Variants in DHCR24 observed in about 807,000 individuals in gnomAD.
DHCR24 encodes delta(24)-sterol reductase.
A neutral mutation model predicts 61.2 loss-of-function variants in DHCR24; 28 were observed. The observed-to-expected ratio is 0.46, with a 90% CI of 0.34 to 0.63. DHCR24 has a LOEUF of 0.63. DHCR24 is among the 20% of genes least tolerant of loss of function. The pLI is 0.01. For synonymous variants in DHCR24, 261 were observed against 275.9 expected (o/e 0.95, Z 0.54); for missense variants, 538 against 679.1 (o/e 0.79, Z 2.31).
rs1299921958 is a variant in DHCR24 at position 54,851,083 on chromosome 1, C to T, written c.*1150G>A. The T allele has an allele frequency of 6.6e-6, 1 of 152,612 alleles. No individual in the cohort carries two copies. Among genetic ancestry groups the T allele is most frequent in the Non-Finnish European group, 1.5e-5 (1 of 68,036 alleles). 9.5% of individuals were successfully genotyped at this position (152,612 alleles called of 1,614,324 possible). A position where few individuals can be genotyped will look rare whatever the true frequency, so the allele number is the denominator to read the frequency against. On this transcript the variant is annotated 3_prime_UTR_variant, in exon 9 of 9. Transcript: ENST00000371269. The stretch of plus-strand genomic sequence containing the variant: ...CCAGGGAAGGACCTAGGGAGGTTCC[C>T]TTCCCTCTGGAACGGAAATGGAACT...
rs1257502531 is a variant in DHCR24, at chr1:54,851,729, A to T, written c.*504T>A. 1 of 159,710 alleles carries T rather than the reference A, an allele frequency of 6.3e-6. No individual in the cohort carries two copies. The highest frequency in any genetic ancestry group is 1.4e-5 in the Non-Finnish European group (1 of 72,156). 9.9% of individuals were successfully genotyped at this position (159,710 alleles called of 1,614,324 possible). A position where few individuals can be genotyped will look rare whatever the true frequency, so the allele number is the denominator to read the frequency against. ...TGTGAGGACCTCGTCTGGCTGATGGAGGCGATGGCAGGGCAACTCCAGCGT... is the reference window on the plus strand; with the variant it reads ...TGTGAGGACCTCGTCTGGCTGATGGTGGCGATGGCAGGGCAACTCCAGCGT... On this transcript the variant is annotated 3_prime_UTR_variant, in exon 9 of 9. Coordinates refer to ENST00000371269, the MANE Select transcript of DHCR24 (RefSeq NM_014762.4).
Position 54,877,749 on chromosome 1 carries a change from G to A in DHCR24, c.388-1702C>T, listed in dbSNP as rs146329225. Among the ~76,000 whole-genome samples the A allele has an allele frequency of 4.6e-3, 701 of 152,178 alleles. 11 individuals carry two copies. Among genetic ancestry groups the A allele is most frequent in the African/African-American group, 0.016 (662 of 41,504 alleles). On this transcript the variant is annotated intron_variant, in intron 2 of 8. Transcript: ENST00000371269. ...GGTGAGGCTGGGCATGGTGGCTCAC[G>A]CCTGTAATCTCAGCACTTTGGGAGA... is the stretch of plus-strand genomic sequence containing the variant.
chr1:54,865,174 G>C (rs557192271), intron 6 of DHCR24, 129 bp downstream of exon 6: 742 of 1,115,900 alleles, frequency 6.6e-4, no homozygotes, highest in Admixed American at 9.7e-4. Context: ...GCTTAAGAAG[G>C]CATTGCAGTT....
intron 5 of DHCR24, among the ~76,000 whole-genome samples, chr1:54,870,332 T>A (rs2101569227): frequency 6.6e-6 from 1 of 152,318 alleles, no homozygotes; most frequent in South Asian, 2.1e-4. Flanking sequence ...GCACTTTAAC[T>A]TTTTCTTTAT....
chr1:54,875,659 T>C (rs1647024505), intron 3 of DHCR24, among the ~76,000 whole-genome samples: 1 of 152,110 alleles, frequency 6.6e-6, no homozygotes, highest in Non-Finnish European at 1.5e-5. Flanking sequence ...ACTATACTTA[T>C]TCTGTGTGTT....
rs199690328 is a variant in DHCR24, at chr1:54,852,436, G to A, written c.1398-50C>T. On this transcript the variant is annotated intron_variant, in intron 8 of 8. Coordinates refer to ENST00000371269, the MANE Select transcript of DHCR24 (RefSeq NM_014762.4). Reference sequence around the variant, plus strand: ...GGACGCCAGGAGGCACACGGAACGCGAGGCGTGAGAGAAACCCAACTGCTC... The same window carrying A: ...GGACGCCAGGAGGCACACGGAACGCAAGGCGTGAGAGAAACCCAACTGCTC... The A allele has an allele frequency of 1.9e-5, 31 of 1,605,896 alleles. No individual in the cohort carries two copies. The Admixed American group carries it at 2.8e-4, about 15-fold the overall frequency.
intron 6 of DHCR24, among the ~76,000 whole-genome samples, chr1:54,862,672 C>T (rs1646944996): frequency 6.6e-6 from 1 of 152,180 alleles, no homozygotes; most frequent in African/African-American, 2.4e-5. Flanking sequence ...CTCCAACCTC[C>T]ACTGAACTCC....
Position 54,864,394 on chromosome 1 carries a change from A to C in DHCR24, c.1020+909T>G, listed in dbSNP as rs79830489. Among the ~76,000 whole-genome samples the C allele has an allele frequency of 7.2e-3, 1,092 of 152,274 alleles. 14 individuals carry two copies. The highest frequency in any genetic ancestry group is 0.025 in the African/African-American group (1,041 of 41,510). On this transcript the variant is annotated intron_variant, in intron 6 of 8. Coordinates refer to ENST00000371269, the MANE Select transcript of DHCR24 (RefSeq NM_014762.4). Reference sequence around the variant, plus strand: ...ATAAAAAGAAATGAAATATTGATACATGAAAACATTATGCTATGTAAAAGA... The same window carrying C: ...ATAAAAAGAAATGAAATATTGATACCTGAAAACATTATGCTATGTAAAAGA...
At chr1:54,880,416 T>C (rs1319359349) in intron 2 of DHCR24, among the ~76,000 whole-genome samples, 4 of 152,138 alleles carry the variant, frequency 2.6e-5, no homozygotes, top group Admixed American at 6.5e-5. Flanking sequence ...CAATAAAATA[T>C]AGGAGAAAGC....
intron 6 of DHCR24, among the ~76,000 whole-genome samples, chr1:54,863,466 C>A (rs1490556067): frequency 6.6e-6 from 1 of 152,174 alleles, no homozygotes; most frequent in African/African-American, 2.4e-5. Flanking sequence ...CATAGCTCAG[C>A]GTGGGCATGC....
At chr1:54,852,527 A>G in intron 8 of DHCR24, 141 bp from the exon 9 acceptor site, 1 of 947,852 alleles carries the variant, frequency 1.1e-6, no homozygotes, top group Non-Finnish European at 1.6e-6. Context: ...CTGGTGAAGA[A>G]GATGGTGCAG....
Position 54,883,516 on chromosome 1 carries a change from C to G in DHCR24, c.387+102G>C. On this transcript the variant is annotated intron_variant, in intron 2 of 8. Transcript: ENST00000371269. The surrounding 1 kb of genome is among the most constrained non-coding windows in gnomAD (Gnocchi z 4.3). Reference sequence around the variant, plus strand: ...CTATGACTGTGGGCATTGGTCCTGTCCACTCTGCAATGCCCTTGGCTAAAA... The same window carrying G: ...CTATGACTGTGGGCATTGGTCCTGTGCACTCTGCAATGCCCTTGGCTAAAA... 2.8e-6 allele frequency: 4 copies of G among 1,409,850 alleles called. No individual in the cohort carries two copies. The highest frequency in any genetic ancestry group is 3.0e-6 in the Non-Finnish European group (3 of 997,078). 87.3% of individuals were successfully genotyped at this position (1,409,850 alleles called of 1,614,324 possible).
rs778868306 is a variant in DHCR24 at position 54,871,391 on chromosome 1, T to A, written c.835A>T (p.Ile279Phe). 4 of 1,614,168 alleles carry A rather than the reference T, an allele frequency of 2.5e-6. No homozygotes were observed. Among genetic ancestry groups the A allele is most frequent in the Non-Finnish European group, 3.4e-6 (4 of 1,180,028 alleles). Reference protein sequence around the residue: ...GLLYSLDEAVIMTGVMTDEAE... With the variant: ...GLLYSLDEAVFMTGVMTDEAE... ...TCATCTGTCATGACCCCTGTCATAA[T>A]GACAGCCTCATCCAGGGAGTAGAGC... is the stretch of plus-strand genomic sequence containing the variant. Residue 279 changes from isoleucine (I) to phenylalanine (F), a missense_variant, in exon 5 of 9, where the codon ATT becomes TTT. Transcript: ENST00000371269.
Position 54,887,177 on chromosome 1 carries a change from T to C in DHCR24, c.-58A>G. 1 of 1,445,734 alleles carries C rather than the reference T, an allele frequency of 6.9e-7. No homozygotes were observed. The highest frequency in any genetic ancestry group is 2.5e-5 in the East Asian group (1 of 40,058). The allele number at this position is 1,445,734 out of a possible 1,614,324, so 89.6% of individuals were successfully genotyped here. On this transcript the variant is annotated 5_prime_UTR_variant, in exon 1 of 9. Coordinates refer to ENST00000371269, the MANE Select transcript of DHCR24 (RefSeq NM_014762.4). ...CGCGCCTCCTGTCACTGCCGCCAGCTCCGCGCCTGGCCCGCTCTGCGCCTG... is the reference window on the plus strand; with the variant it reads ...CGCGCCTCCTGTCACTGCCGCCAGCCCCGCGCCTGGCCCGCTCTGCGCCTG...
intron 5 of DHCR24, 113 bp from the exon 6 acceptor site, chr1:54,865,559 T>G: frequency 1.4e-6 from 2 of 1,397,606 alleles, no homozygotes; most frequent in South Asian, 2.3e-5. Context: ...CAAAGCTCTT[T>G]CATGTCTATT....
At position 54,857,290 on chromosome 1, in the gene DHCR24, G is replaced by T. The variant is rs191510700; in HGVS notation, c.1021-3056C>A. On this transcript the variant is annotated intron_variant, in intron 6 of 8. Coordinates refer to ENST00000371269, the MANE Select transcript of DHCR24 (RefSeq NM_014762.4). ...CTCTGGCCATCCTTGCTCACTGGCT[G>T]TAGGGCCCCATGGCAAATCTAAGGG... Among the ~76,000 whole-genome samples, 722 of 152,348 alleles carry T rather than the reference G, an allele frequency of 4.7e-3. 9 individuals are homozygous for T. Among genetic ancestry groups the T allele is most frequent in the African/African-American group, 0.017 (695 of 41,584 alleles).
intron 5 of DHCR24, among the ~76,000 whole-genome samples, chr1:54,867,259 C>A (rs1269062294): frequency 6.6e-6 from 1 of 152,192 alleles, no homozygotes; most frequent in Non-Finnish European, 1.5e-5. Context: ...CGGGGCAGTG[C>A]CTGCAGAGGG....
rs913940755 is a variant in DHCR24 at position 54,853,329 on chromosome 1, A to G, written c.1397+105T>C. ...TGCAGGGGCCCTAAGGAACCAGTTG[A>G]TAGGCTTGGGGCTCCTGGTTCTCCA... On this transcript the variant is annotated intron_variant, in intron 8 of 8. Coordinates refer to ENST00000371269, the MANE Select transcript of DHCR24 (RefSeq NM_014762.4). The G allele has an allele frequency of 1.3e-5, 19 of 1,451,954 alleles. No homozygotes were observed. The Admixed American group carries it at 3.5e-4, about 27-fold the overall frequency. 89.9% of individuals were successfully genotyped at this position (1,451,954 alleles called of 1,614,324 possible).
chr1:54,877,738 T>C (rs1307218279), intron 2 of DHCR24, among the ~76,000 whole-genome samples: 1 of 152,058 alleles, frequency 6.6e-6, no homozygotes, highest in African/African-American at 2.4e-5. Flanking sequence ...AGGCTGGGCA[T>C]GGTGGCTCAC....
Sources: gnomAD v4.1 joint callset for allele counts (sites outside exome capture counted in the v4.1 genomes callset) on GRCh38, gnomAD v4.1.1 for gene constraint, Gnocchi (gnomAD v3.1) non-coding constraint, MANE v1.5 for transcripts, NCBI Gene and HGNC (gene_info 2026-07-23, HGNC 2026-07-21) for gene names.